PA2G4: variants seen among roughly 807,000 people sequenced by gnomAD.
The protein encoded by PA2G4 is proliferation-associated 2G4.
In PA2G4, 8 loss-of-function variants were observed where a neutral mutation model predicts 53.3. The ratio of observed to expected loss-of-function variants is 0.15; its 90% confidence interval spans 0.09 to 0.27. PA2G4 has a LOEUF of 0.27. PA2G4 is among the 10% of genes least tolerant of loss of function. The pLI, the probability that PA2G4 is intolerant of heterozygous loss-of-function variation, is 1.00. For missense variants in PA2G4, 208 were observed against 486.8 expected (o/e 0.43, Z 5.39); for synonymous variants, 143 against 169.8 (o/e 0.84, Z 1.23).
At chr12:56,107,450 A>G in intron 4 of PA2G4, 71 bp from the exon 5 acceptor site, 1 of 1,176,274 alleles carries the variant, frequency 8.5e-7, no homozygotes, top group Non-Finnish European at 1.3e-6. Context: ...GGGCTCACAG[A>G]TATTAACCAG....
At chr12:56,109,988 T>G in intron 7 of PA2G4, 53 bp downstream of exon 7, 1 of 1,239,858 alleles carries the variant, frequency 8.1e-7, no homozygotes, top group Admixed American at 1.7e-5. Flanking sequence ...AGTCATCAGG[T>G]TTTTTTCTAT....
chr12:56,113,157 T>C lies in PA2G4; in HGVS notation c.*269T>C. On this transcript the variant is annotated 3_prime_UTR_variant, in exon 13 of 13. Coordinates refer to ENST00000303305, the MANE Select transcript of PA2G4 (RefSeq NM_006191.3). ...TAATAAAATCAGGAGTCAAAATTCA[T>C]CGTCTTCAAGCCCCTCTTTCTAGCC... is the stretch of plus-strand genomic sequence containing the variant. The C allele has an allele frequency of 6.4e-6, 2 of 314,002 alleles. No individual in the cohort carries two copies. Among genetic ancestry groups the C allele is most frequent in the Non-Finnish European group, 1.2e-5 (2 of 172,014 alleles). 19.5% of individuals were successfully genotyped at this position (314,002 alleles called of 1,614,324 possible). A position where few individuals can be genotyped will look rare whatever the true frequency, so the allele number is the denominator to read the frequency against.
In PA2G4 at chr12:56,104,858, G is replaced by A. The variant is rs1171393975; in HGVS notation, c.88+33G>A. 6 of 1,567,148 alleles carry A rather than the reference G, an allele frequency of 3.8e-6. No individual in the cohort carries two copies. In the South Asian group the frequency reaches 6.7e-5, roughly 18 times the overall value. ...CGGCCTCGGGGGTCGGGGAATCAAG[G>A]CTGATAGGGAAAGGTAACAGGCTGG... On this transcript the variant is annotated intron_variant, in intron 1 of 12. Coordinates refer to ENST00000303305, the MANE Select transcript of PA2G4 (RefSeq NM_006191.3).
intron 6 of PA2G4, 75 bp from the exon 7 acceptor site, chr12:56,109,782 C>G: frequency 9.8e-7 from 1 of 1,021,726 alleles, no homozygotes; most frequent in Non-Finnish European, 1.6e-6. Flanking sequence ...CCACTTCAAA[C>G]TACTGAAGTG....
rs1347900536 is a variant in PA2G4 at position 56,113,086 on chromosome 12, C to T, written c.*198C>T. The T allele has an allele frequency of 1.1e-5, 5 of 453,160 alleles. 1 individual carries two copies. The highest frequency in any genetic ancestry group is 4.1e-5 in the African/African-American group (2 of 48,644). The allele number at this position is 453,160 out of a possible 1,614,324, so 28.1% of individuals were successfully genotyped here. On this transcript the variant is annotated 3_prime_UTR_variant, in exon 13 of 13. Coordinates refer to ENST00000303305, the MANE Select transcript of PA2G4 (RefSeq NM_006191.3). ...CTGACTCTGGTCTTGGGAGGTGAGG[C>T]TTCCCAACCACGGAAGACTACTTTA...
chr12:56,109,070 G>A (rs564447400), intron 5 of PA2G4, among the ~76,000 whole-genome samples, 160 bp from the exon 6 acceptor site: 1 of 147,408 alleles, frequency 6.8e-6, no homozygotes, highest in Non-Finnish European at 1.5e-5. Flanking sequence ...AGATTGCAGT[G>A]AGCCAAGATC....
Position 56,113,019 on chromosome 12 carries a change from C to G in PA2G4, c.*131C>G, listed in dbSNP as rs548528381. ...CGGGGGGATCTCCCTGCCCCCACCC[C>G]AGTTCCCCAACCCACTCCCTTCCAA... On this transcript the variant is annotated 3_prime_UTR_variant, in exon 13 of 13. Coordinates refer to ENST00000303305, the MANE Select transcript of PA2G4 (RefSeq NM_006191.3). The G allele has an allele frequency of 8.9e-6, 5 of 562,060 alleles. No homozygotes were observed. In the East Asian group the frequency reaches 1.4e-4, roughly 15 times the overall value. 34.8% of individuals were successfully genotyped at this position (562,060 alleles called of 1,614,324 possible). A position where few individuals can be genotyped will look rare whatever the true frequency, so the allele number is the denominator to read the frequency against.
chr12:56,106,899 A>G, intron 2 of PA2G4, 91 bp from the exon 3 acceptor site: 1 of 1,299,820 alleles, frequency 7.7e-7, no homozygotes, highest in Non-Finnish European at 1.1e-6. Flanking sequence ...AAACTTAAGC[A>G]AGACCCTGAA....
At position 56,106,401 on chromosome 12, in the gene PA2G4, A is replaced by G. The variant is rs183936023; in HGVS notation, c.89-187A>G. ...GGAAAGTCTGAGGCCTTGCCTAGGG[A>G]GATGGATTGTATATACCCAGTTGTC... On this transcript the variant is annotated intron_variant, in intron 1 of 12. Coordinates refer to ENST00000303305, the MANE Select transcript of PA2G4 (RefSeq NM_006191.3). 105 of 503,810 alleles carry G rather than the reference A, an allele frequency of 2.1e-4. 2 individuals are homozygous for G. The highest frequency in any genetic ancestry group is 1.4e-4 in the Non-Finnish European group (43 of 309,366). 31.2% of individuals were successfully genotyped at this position (503,810 alleles called of 1,614,324 possible). A position where few individuals can be genotyped will look rare whatever the true frequency, so the allele number is the denominator to read the frequency against.
chr12:56,111,067 C>T lies in PA2G4; in HGVS notation c.937+9C>T, dbSNP rs745771947. 2 of 1,613,580 alleles carry T rather than the reference C, an allele frequency of 1.2e-6. No individual in the cohort carries two copies. Among genetic ancestry groups the T allele is most frequent in the Admixed American group, 3.3e-5 (2 of 60,006 alleles). On this transcript the variant is annotated intron_variant, in intron 10 of 12. Coordinates refer to ENST00000303305, the MANE Select transcript of PA2G4 (RefSeq NM_006191.3). ...TCTCTATGAGAAGGAGGGTGAGTTC[C>T]AAAAAGAGCTTCACTTTGGATTCCC...
intron 3 of PA2G4, 39 bp from the exon 4 acceptor site, chr12:56,107,148 T>C (rs1175393096): frequency 1.9e-6 from 3 of 1,603,302 alleles, no homozygotes; most frequent in Non-Finnish European, 2.6e-6. Context: ...ATTTACAAAA[T>C]GCCAGTTCCT....
At chr12:56,110,862 C>A in intron 9 of PA2G4, 102 bp from the exon 10 acceptor site, 1 of 1,353,628 alleles carries the variant, frequency 7.4e-7, no homozygotes, top group Non-Finnish European at 1.0e-6. Flanking sequence ...CAATCCTAAG[C>A]ATGATTTCTG....
chr12:56,112,762 C>A, intron 12 of PA2G4, 61 bp from the exon 13 acceptor site: 1 of 1,154,222 alleles, frequency 8.7e-7, no homozygotes, highest in South Asian at 1.3e-5. Flanking sequence ...TCTCTGGTCC[C>A]AGACATCCCC....
Position 56,112,848 on chromosome 12 carries a change from C to G in PA2G4, c.1145C>G (p.Thr382Ser). 6.3e-7 allele frequency: 1 copy of G among 1,581,088 alleles called. No homozygotes were observed. The highest frequency in any genetic ancestry group is 8.6e-7 in the Non-Finnish European group (1 of 1,167,974). ...GCCTCCAAGACTGCAGAGAATGCCACCAGTGGGGAAACATTAGAAGAAAAT... is the reference window on the plus strand; with the variant it reads ...GCCTCCAAGACTGCAGAGAATGCCAGCAGTGGGGAAACATTAGAAGAAAAT... Reference protein sequence around the residue: ...KKASKTAENATSGETLEENEA... With the variant: ...KKASKTAENASSGETLEENEA... The change falls in exon 13 of 13, where the codon ACC becomes AGC. Residue 382 changes from threonine to serine, a missense_variant. By Grantham distance (58) the Thr-to-Ser change is moderately conservative. This residue lies in a region of PA2G4 where 50 missense variants were observed against 82.3 expected (regional missense o/e 0.61). Coordinates refer to ENST00000303305, the MANE Select transcript of PA2G4 (RefSeq NM_006191.3).
chr12:56,107,301 G>A, intron 4 of PA2G4, 45 bp downstream of exon 4: 1 of 1,440,748 alleles, frequency 6.9e-7, no homozygotes, highest in Non-Finnish European at 9.8e-7. Context: ...GGGGTAGAGG[G>A]AATGCACTGC....
In PA2G4 at chr12:56,107,656, A is replaced by G. The variant is rs897360473; in HGVS notation, c.486+43A>G. On this transcript the variant is annotated intron_variant, in intron 5 of 12. Transcript: ENST00000303305. ...ATTCCAAAGCTCGTTTGAACCAAAGATGCATTAGGCACCTATAGCTACTCT... is the reference window on the plus strand; with the variant it reads ...ATTCCAAAGCTCGTTTGAACCAAAGGTGCATTAGGCACCTATAGCTACTCT... 2.2e-6 allele frequency: 3 copies of G among 1,335,294 alleles called. No homozygotes were observed. In the African/African-American group the frequency reaches 4.3e-5, roughly 19 times the overall value. 82.7% of individuals were successfully genotyped at this position (1,335,294 alleles called of 1,614,324 possible).
chr12:56,109,162 C>G, intron 5 of PA2G4, 68 bp from the exon 6 acceptor site: 1 of 887,498 alleles, frequency 1.1e-6, no homozygotes, highest in Non-Finnish European at 1.8e-6. Context: ...TTTTATGCTT[C>G]TTATTCTCAT....
intron 5 of PA2G4, 46 bp downstream of exon 5, chr12:56,107,659 C>T (rs1374343090): frequency 1.2e-5 from 15 of 1,260,600 alleles, no homozygotes; most frequent in Non-Finnish European, 1.7e-5. Context: ...ACCAAAGATG[C>T]ATTAGGCACC....
intron 12 of PA2G4, 51 bp from the exon 13 acceptor site, chr12:56,112,772 C>G (rs773769802): frequency 2.4e-6 from 3 of 1,236,112 alleles, no homozygotes; most frequent in South Asian, 1.3e-5. Flanking sequence ...CAGACATCCC[C>G]AAGTAGTTAG....
Sources: allele counts gnomAD v4.1 joint callset (sites outside exome capture counted in the v4.1 genomes callset), GRCh38; gene constraint gnomAD v4.1.1; regional missense constraint gnomAD v4.1.1; transcripts MANE v1.5; gene names NCBI Gene and HGNC (gene_info 2026-07-23, HGNC 2026-07-21).